The following MMP16 variants were observed in gnomAD, a reference collection of about 807,000 sequenced individuals.
MMP16 encodes matrix metalloproteinase-16.
MMP16 carries 12 observed loss-of-function variants against 67.8 expected under a neutral mutation model. That is an observed-to-expected ratio of 0.18 (90% CI 0.11 to 0.29). The LOEUF (loss-of-function observed/expected upper bound fraction) is 0.29. Ranked by LOEUF, MMP16 falls within the 10% of genes least tolerant of loss-of-function variation. The pLI is 1.00. For missense variants in MMP16, 475 were observed against 765.7 expected, an observed-to-expected ratio of 0.62 and a Z score of 4.48; for synonymous variants, 249 against 255.9, an observed-to-expected ratio of 0.97 and a Z score of 0.26.
intron 6 of MMP16, among the ~76,000 whole-genome samples, chr8:88,092,923 T>G (rs986299190): frequency 1.3e-5 from 2 of 151,860 alleles, no homozygotes; most frequent in African/African-American, 4.8e-5. Context: ...CAATTGGTAG[T>G]GAGTATCTCT....
chr8:88,267,702 T>C (rs1264774775), intron 1 of MMP16, among the ~76,000 whole-genome samples: 1 of 152,162 alleles, frequency 6.6e-6, no homozygotes, highest in African/African-American at 2.4e-5. Flanking sequence ...TTACTAAATA[T>C]TGAAAGGAAA....
chr8:88,275,869 G>A (rs540882033), intron 1 of MMP16, among the ~76,000 whole-genome samples: 1 of 152,024 alleles, frequency 6.6e-6, no homozygotes, highest in East Asian at 1.9e-4. Context: ...TTCTTAAGAT[G>A]GGAATCCAAT....
chr8:88,327,119 A>C lies in MMP16; in HGVS notation c.88T>G (p.Leu30Val), dbSNP rs559124187. The C allele has an allele frequency of 3.1e-6, 5 of 1,614,068 alleles. No individual in the cohort carries two copies. In the South Asian group the frequency reaches 5.5e-5, roughly 18 times the overall value. ...VFFLQTLLWI[L>V]CATVCGTEQY... ...TCCGTTCCGCAGACTGTAGCACATA[A>C]AATCCAAAGCAAGGTTTGCAAGAAA... Residue 30 changes from leucine (L) to valine (V), a missense_variant, in exon 1 of 10, where the codon TTA (leucine) becomes GTA (valine). Physicochemically the swap from Leu to Val is conservative, Grantham distance 32 (BLOSUM62 1). Coordinates refer to ENST00000286614, the MANE Select transcript of MMP16 (RefSeq NM_005941.5).
At chr8:88,052,372 G>A (rs763840136) in intron 8 of MMP16, among the ~76,000 whole-genome samples, 8 of 152,016 alleles carry the variant, frequency 5.3e-5, no homozygotes, top group Non-Finnish European at 8.8e-5. Context: ...CAAGCCCTGA[G>A]GACAACTTGT....
intron 6 of MMP16, among the ~76,000 whole-genome samples, chr8:88,085,256 T>C (rs1389616805): frequency 2.0e-5 from 3 of 152,070 alleles, no homozygotes; most frequent in Non-Finnish European, 2.9e-5. Context: ...AGAAAAACTA[T>C]TAAGGGAGGC....
chr8:88,320,112 CT>C (rs1811435216), intron 1 of MMP16, among the ~76,000 whole-genome samples: 1 of 152,154 alleles, frequency 6.6e-6, no homozygotes, highest in African/African-American at 2.4e-5. Flanking sequence ...ATTTCTTAGG[CT>C]CCTATTTAAA....
At chr8:88,088,100 T>TATATA (rs1563528027) in intron 6 of MMP16, among the ~76,000 whole-genome samples, 1 of 148,114 alleles carries the variant, frequency 6.8e-6, no homozygotes. Flanking sequence ...AATAGATATC[T>TATATA]GCTGACTGTA....
chr8:88,262,495 T>C (rs1175168719), intron 1 of MMP16, among the ~76,000 whole-genome samples: 1 of 152,212 alleles, frequency 6.6e-6, no homozygotes, highest in East Asian at 1.9e-4. Context: ...AGGCAGCAAG[T>C]ACACACTTGA....
At chr8:88,201,481 T>C (rs985942454) in intron 1 of MMP16, among the ~76,000 whole-genome samples, 5 of 152,124 alleles carry the variant, frequency 3.3e-5, no homozygotes, top group Admixed American at 6.6e-5. Context: ...ATTTATTTTA[T>C]AGCATTTATT....
intron 3 of MMP16, among the ~76,000 whole-genome samples, chr8:88,170,603 T>C (rs1808784015): frequency 6.6e-6 from 1 of 152,170 alleles, no homozygotes; most frequent in African/African-American, 2.4e-5. Flanking sequence ...GGCAAGACTC[T>C]GCTCCCACAG....
chr8:88,197,338 A>T (rs1431822236), intron 1 of MMP16, 32 bp from the exon 2 acceptor site: 6 of 1,503,504 alleles, frequency 4.0e-6, no homozygotes, highest in Non-Finnish European at 5.3e-6. Context: ...CTTTTAGATC[A>T]ATTTTACAAT....
In MMP16 at chr8:88,222,935, C is replaced by T. The variant is rs957055272; in HGVS notation, c.133-25629G>A. The stretch of plus-strand genomic sequence containing the variant: ...CCTACAGAATGGGAGAAAATTTTTG[C>T]AATCCACCCATCTGACAAAGGGCTA... On this transcript the variant is annotated intron_variant, in intron 1 of 9. Transcript: ENST00000286614. Among the ~76,000 whole-genome samples, 5 of 152,010 alleles carry T rather than the reference C, an allele frequency of 3.3e-5. 1 individual carries two copies. The Middle Eastern group carries it at 0.01, about 310-fold the overall frequency.
At chr8:88,300,880 C>T (rs1249846382) in intron 1 of MMP16, among the ~76,000 whole-genome samples, 1 of 151,782 alleles carries the variant, frequency 6.6e-6, no homozygotes, top group Non-Finnish European at 1.5e-5. Flanking sequence ...AATGAAATGG[C>T]ATCAGTCAGA....
intron 4 of MMP16, among the ~76,000 whole-genome samples, chr8:88,144,205 C>T (rs1032958856): frequency 6.6e-6 from 1 of 151,824 alleles, no homozygotes; most frequent in Non-Finnish European, 1.5e-5. Flanking sequence ...CGTCACTGTC[C>T]CGAATGAGTA....
intron 6 of MMP16, among the ~76,000 whole-genome samples, chr8:88,090,142 A>T (rs1808909160): frequency 6.6e-6 from 1 of 151,850 alleles, no homozygotes; most frequent in Non-Finnish European, 1.5e-5. Flanking sequence ...ATATATTCCA[A>T]TTTTTTGCAA....
At chr8:88,078,793 A>G (rs1374396782) in intron 6 of MMP16, among the ~76,000 whole-genome samples, 1 of 152,186 alleles carries the variant, frequency 6.6e-6, no homozygotes, top group Non-Finnish European at 1.5e-5. Context: ...ACTTTCCATA[A>G]ATCTACAAAT....
At chr8:88,205,026 A>G (rs1236099683) in intron 1 of MMP16, among the ~76,000 whole-genome samples, 2 of 152,180 alleles carry the variant, frequency 1.3e-5, no homozygotes, top group African/African-American at 4.8e-5. Flanking sequence ...TTGAACTTCC[A>G]GTTCCACTCC....
intron 4 of MMP16, among the ~76,000 whole-genome samples, chr8:88,130,285 C>T (rs1808006176): frequency 6.6e-6 from 1 of 151,684 alleles, no homozygotes; most frequent in Admixed American, 6.6e-5. Flanking sequence ...GTGTACATGG[C>T]ACATACCAAT....
chr8:88,216,502 A>G (rs1364759989), intron 1 of MMP16, among the ~76,000 whole-genome samples: 1 of 152,144 alleles, frequency 6.6e-6, no homozygotes, highest in African/African-American at 2.4e-5. Context: ...AGTTTTCTCA[A>G]AAATATTTTT....
Sources: gnomAD v4.1 joint callset for allele counts (sites outside exome capture counted in the v4.1 genomes callset) on GRCh38, gnomAD v4.1.1 for gene constraint, MANE v1.5 for transcripts, NCBI Gene and HGNC (gene_info 2026-07-23, HGNC 2026-07-21) for gene names.